KCNQ5: variants seen among roughly 807,000 people sequenced by gnomAD.
KCNQ5 encodes potassium voltage-gated channel subfamily KQT member 5.
KCNQ5 carries 30 observed loss-of-function variants against 98.2 expected under a neutral mutation model. The ratio of observed to expected loss-of-function variants is 0.31; its 90% CI spans 0.23 to 0.41. The LOEUF is 0.41. Ranked by LOEUF, KCNQ5 falls within the 10% of genes least tolerant of loss-of-function variation. The pLI is 1.00. For synonymous variants in KCNQ5, 458 were observed against 449.4 expected (o/e 1.02, Z -0.24); for missense variants, 835 against 1,182.5 (o/e 0.71, Z 4.31).
At chr6:73,145,278 T>C (rs1776878182) in intron 10 of KCNQ5, among the ~76,000 whole-genome samples, 1 of 152,188 alleles carries the variant, frequency 6.6e-6, no homozygotes, top group Non-Finnish European at 1.5e-5. Context: ...AAATTGAGAC[T>C]CAGAAAATGT....
chr6:73,152,239 A>G (rs1777181392), intron 10 of KCNQ5, among the ~76,000 whole-genome samples: 1 of 152,132 alleles, frequency 6.6e-6, no homozygotes, highest in Admixed American at 6.5e-5. Flanking sequence ...TCTCTGAAAG[A>G]AGAGAGAAAA....
rs561960338 is a variant in KCNQ5 at position 73,170,212 on chromosome 6, T to C, written c.1577+358T>C. Among the ~76,000 whole-genome samples the C allele has an allele frequency of 5.9e-5, 9 of 152,298 alleles. 1 individual carries two copies. The highest frequency in any genetic ancestry group is 1.9e-4 in the East Asian group (1 of 5,192). On this transcript the variant is annotated intron_variant, in intron 11 of 13. Coordinates refer to ENST00000370398, the MANE Select transcript of KCNQ5 (RefSeq NM_019842.4). The stretch of plus-strand genomic sequence containing the variant: ...GCTCCAATCTGTATTCTGTACAGAA[T>C]TGTATATCAAAGAAAAGGCCTTGTA...
chr6:73,038,725 A>G (rs920217310), intron 2 of KCNQ5, among the ~76,000 whole-genome samples: 1 of 151,946 alleles, frequency 6.6e-6, no homozygotes, highest in Non-Finnish European at 1.5e-5. Flanking sequence ...CTATATATTG[A>G]CTGATTGACT....
At chr6:72,787,898 G>A (rs1773839558) in intron 1 of KCNQ5, among the ~76,000 whole-genome samples, 1 of 152,332 alleles carries the variant, frequency 6.6e-6, no homozygotes, top group East Asian at 1.9e-4. Context: ...GTTTATGTCT[G>A]TTCTGAGTCA....
intron 9 of KCNQ5, chr6:73,125,455 T>C (rs1775939171): frequency 7.7e-6 from 4 of 518,000 alleles, no homozygotes; most frequent in African/African-American, 3.9e-5. Context: ...GAAGAAGAGA[T>C]ACATTTTTTT....
intron 1 of KCNQ5, among the ~76,000 whole-genome samples, chr6:72,922,456 A>G (rs953878529): frequency 6.6e-6 from 1 of 152,174 alleles, no homozygotes; most frequent in Non-Finnish European, 1.5e-5. Context: ...ATTTTCAAGT[A>G]GGCAGTACAT....
chr6:72,741,583 G>A (rs904073196), intron 1 of KCNQ5, among the ~76,000 whole-genome samples: 1 of 152,134 alleles, frequency 6.6e-6, no homozygotes, highest in Non-Finnish European at 1.5e-5. Context: ...AGTTATTCAG[G>A]TGCTTCTGGT....
intron 10 of KCNQ5, chr6:73,158,141 G>A: frequency 2.6e-6 from 1 of 384,024 alleles, no homozygotes; most frequent in Non-Finnish European, 5.0e-6. Flanking sequence ...GTTGCTCCTG[G>A]TGCGGGGGAG....
intron 1 of KCNQ5, among the ~76,000 whole-genome samples, chr6:72,943,676 G>T (rs1455074759): frequency 1.3e-5 from 2 of 152,222 alleles, no homozygotes; most frequent in Non-Finnish European, 1.5e-5. Context: ...AAGGTACTCA[G>T]TTAGACTACC....
chr6:72,927,679 T>C (rs1765492808), intron 1 of KCNQ5, among the ~76,000 whole-genome samples: 1 of 152,106 alleles, frequency 6.6e-6, no homozygotes, highest in African/African-American at 2.4e-5. Context: ...AGCTCAACCA[T>C]ACTCTGTATT....
rs1554198957 is a variant in KCNQ5 at position 73,024,381 on chromosome 6, T to TGATAGATAGATAGATAGATTAGATAGATA, written c.490-17536_490-17535insTAGATAGATAGATAGATAGATAGATAGAT. 1.6e-3 allele frequency among the ~76,000 whole-genome samples: 199 copies of TGATAGATAGATAGATAGATTAGATAGATA among 120,654 alleles called. 5 individuals carry two copies. Among genetic ancestry groups the TGATAGATAGATAGATAGATTAGATAGATA allele is most frequent in the East Asian group, 8.9e-3 (35 of 3,932 alleles). 79.2% of individuals were successfully genotyped at this position (120,654 alleles called of 152,430 possible). A position where few individuals can be genotyped will look rare whatever the true frequency, so the allele number is the denominator to read the frequency against. On this transcript the variant is annotated intron_variant, in intron 2 of 13. Transcript: ENST00000370398. ...TGAAAGCGATAGATAGATAGATAGATGATAGATAGATAGATAGATAGATAG... is the reference window on the plus strand; with the variant it reads ...TGAAAGCGATAGATAGATAGATAGATGATAGATAGATAGATAGATTAGATAGATAGATAGATAGATAGATAGATAGATAG...
At chr6:72,693,385 G>C (rs1387068125) in intron 1 of KCNQ5, among the ~76,000 whole-genome samples, 1 of 152,146 alleles carries the variant, frequency 6.6e-6, no homozygotes, top group Non-Finnish European at 1.5e-5. Flanking sequence ...GATGAGACTT[G>C]AAAAAGTGGA....
intron 1 of KCNQ5, among the ~76,000 whole-genome samples, chr6:72,627,648 AG>A (rs2098918636): frequency 6.6e-6 from 1 of 152,210 alleles, no homozygotes; most frequent in African/African-American, 2.4e-5. Flanking sequence ...AAATGGACCC[AG>A]TAGTGTAGGT....
chr6:72,631,453 A>T (rs765238643), intron 1 of KCNQ5, among the ~76,000 whole-genome samples: 1 of 152,230 alleles, frequency 6.6e-6, no homozygotes, highest in Non-Finnish European at 1.5e-5. Context: ...AACACTAGAC[A>T]AAAAGATGGT....
chr6:73,110,643 G>A (rs888384518), intron 6 of KCNQ5, among the ~76,000 whole-genome samples: 2 of 152,110 alleles, frequency 1.3e-5, no homozygotes, highest in African/African-American at 4.8e-5. Context: ...TGTACAAATG[G>A]GCAAAATAGA....
At chr6:72,937,633 A>G (rs1766007494) in intron 1 of KCNQ5, among the ~76,000 whole-genome samples, 1 of 152,192 alleles carries the variant, frequency 6.6e-6, no homozygotes, top group Middle Eastern at 3.2e-3. Context: ...GAAGAACAAA[A>G]TTGAACAATC....
At chr6:72,772,316 T>A (rs1349917727) in intron 1 of KCNQ5, among the ~76,000 whole-genome samples, 6 of 152,276 alleles carry the variant, frequency 3.9e-5, no homozygotes, top group African/African-American at 1.4e-4. Flanking sequence ...TAGCCTATTT[T>A]ATGACAAAGT....
chr6:72,727,088 T>C (rs1227464441), intron 1 of KCNQ5, among the ~76,000 whole-genome samples: 1 of 152,256 alleles, frequency 6.6e-6, no homozygotes, highest in Non-Finnish European at 1.5e-5. Context: ...TCCTTAAATG[T>C]GAAAACACTT....
At chr6:72,825,261 C>G (rs1775943768) in intron 1 of KCNQ5, among the ~76,000 whole-genome samples, 1 of 152,142 alleles carries the variant, frequency 6.6e-6, no homozygotes, top group East Asian at 1.9e-4. Flanking sequence ...CCAACACTTT[C>G]TGTTCCCCTT....
Sources: gnomAD v4.1 joint callset for allele counts (sites outside exome capture counted in the v4.1 genomes callset) on GRCh38, gnomAD v4.1.1 for gene constraint, MANE v1.5 for transcripts, NCBI Gene and HGNC (gene_info 2026-07-23, HGNC 2026-07-21) for gene names.